The following ULK2 variants were observed in gnomAD, a reference collection of about 807,000 sequenced individuals.
The protein encoded by ULK2 is unc-51 like autophagy activating kinase 2, also known as serine/threonine-protein kinase ULK2.
In ULK2, 76 loss-of-function variants were observed where a neutral mutation model predicts 127.5. The ratio of observed to expected loss-of-function variants is 0.60; its 90% CI spans 0.50 to 0.72. The LOEUF (loss-of-function observed/expected upper bound fraction) is 0.72, where lower values mean the gene tolerates loss of function less well. ULK2 is among the 30% of genes least tolerant of loss of function. ULK2 has a pLI of 0.00. For missense variants in ULK2, 1,144 were observed against 1,295.9 expected (o/e 0.88, Z 1.80); for synonymous variants, 452 against 461.9 (o/e 0.98, Z 0.28).
chr17:19,821,694 C>T lies in ULK2; in HGVS notation c.924+3400G>A, dbSNP rs114290143. ...GTTCGTACTTTCCTTTTTTCCCCTG[C>T]TTTCCACTTTATTTCCATTTTTTTT... On this transcript the variant is annotated intron_variant, in intron 12 of 26. Transcript: ENST00000395544. 7.9e-3 allele frequency among the ~76,000 whole-genome samples: 1,202 copies of T among 152,246 alleles called. 21 individuals are homozygous for T. The highest frequency in any genetic ancestry group is 0.027 in the African/African-American group (1,111 of 41,556).
chr17:19,776,129 A>T lies in ULK2; in HGVS notation c.*220T>A. The T allele has an allele frequency of 4.0e-6, 2 of 501,042 alleles. No homozygotes were observed. Among genetic ancestry groups the T allele is most frequent in the Non-Finnish European group, 7.1e-6 (2 of 280,302 alleles). 31.0% of individuals were successfully genotyped at this position (501,042 alleles called of 1,614,324 possible). On this transcript the variant is annotated 3_prime_UTR_variant, in exon 27 of 27. Transcript: ENST00000395544. ...GCCAAACACTCTTGCTCCTGCTTCTACAAAGAAAAAGGGAAAGGGTGATTT... is the reference window on the plus strand; with the variant it reads ...GCCAAACACTCTTGCTCCTGCTTCTTCAAAGAAAAAGGGAAAGGGTGATTT...
intron 8 of ULK2, among the ~76,000 whole-genome samples, chr17:19,842,190 CTTTTTTTTTTTTT>C (rs869294657): frequency 1.1e-5 from 1 of 88,396 alleles, no homozygotes. Context: ...TTTTCTTTTT[CTTTTTTTTTTTTT>C]TTTTTTTTTT....
rs2086762725 is a variant in ULK2, at chr17:19,773,354, C to T, written c.*2995G>A. Reference sequence around the variant, plus strand: ...CTCATGTCCACTGTGTCTAACTCAACTTATTACTGTGCAGACTGAGGCAAT... The same window carrying T: ...CTCATGTCCACTGTGTCTAACTCAATTTATTACTGTGCAGACTGAGGCAAT... On this transcript the variant is annotated 3_prime_UTR_variant, in exon 27 of 27. Transcript: ENST00000395544. 1 of 152,186 alleles carries T rather than the reference C, an allele frequency of 6.6e-6. No individual in the cohort carries two copies. Among genetic ancestry groups the T allele is most frequent in the African/African-American group, 2.4e-5 (1 of 41,424 alleles). The allele number at this position is 152,186 out of a possible 1,614,324, so 9.4% of individuals were successfully genotyped here. A position where few individuals can be genotyped will look rare whatever the true frequency, so the allele number is the denominator to read the frequency against.
rs2086806454 is a variant in ULK2, at chr17:19,776,035, ATCTT to A, written c.*310_*313del. The A allele has an allele frequency of 7.2e-6, 2 of 279,142 alleles. No homozygotes were observed. Among genetic ancestry groups the A allele is most frequent in the Admixed American group, 5.2e-5 (1 of 19,286 alleles). 17.3% of individuals were successfully genotyped at this position (279,142 alleles called of 1,614,324 possible). A position where few individuals can be genotyped will look rare whatever the true frequency, so the allele number is the denominator to read the frequency against. On this transcript the variant is annotated 3_prime_UTR_variant, in exon 27 of 27. Transcript: ENST00000395544. ...CACTCACTTTGTTTCATTTTTAATT[ATCTT>A]TAAGAATAACTGTACCGATTATCCT...
chr17:19,792,625 A>G (rs1344796144), intron 20 of ULK2, among the ~76,000 whole-genome samples: 2 of 152,300 alleles, frequency 1.3e-5, no homozygotes, highest in Admixed American at 6.5e-5. Flanking sequence ...TAATAATGCA[A>G]TCTCCACCAA....
chr17:19,779,106 A>G (rs2086865114), intron 25 of ULK2, among the ~76,000 whole-genome samples: 1 of 152,254 alleles, frequency 6.6e-6, no homozygotes, highest in Non-Finnish European at 1.5e-5. Context: ...AAGAATTTAT[A>G]TTCCAAAGTT....
chr17:19,854,663 T>C lies in ULK2; in HGVS notation c.226-4889A>G, dbSNP rs140735316. On this transcript the variant is annotated intron_variant, in intron 3 of 26. Transcript: ENST00000395544. ...GTTCCAGAGATCAAAAATATAAATA[T>C]GAAAAAATGAAACCCTAAGTACTAG... Among the ~76,000 whole-genome samples, 163 of 152,122 alleles carry C rather than the reference T, an allele frequency of 1.1e-3. 2 individuals carry two copies. Among genetic ancestry groups the C allele is most frequent in the South Asian group, 3.7e-3 (18 of 4,826 alleles).
At chr17:19,844,743 GA>G (rs1244340668) in intron 7 of ULK2, among the ~76,000 whole-genome samples, 1 of 152,018 alleles carries the variant, frequency 6.6e-6, no homozygotes, top group Non-Finnish European at 1.5e-5. Flanking sequence ...ACATAATTCT[GA>G]ATCTCTAGAA....
intron 19 of ULK2, 41 bp downstream of exon 19, chr17:19,796,054 C>T (rs888860728): frequency 1.3e-5 from 20 of 1,569,894 alleles, no homozygotes; most frequent in Non-Finnish European, 1.6e-5. Flanking sequence ...TTTACTATTA[C>T]AGTTTTCATG....
chr17:19,803,991 T>C (rs2087456560), intron 15 of ULK2, among the ~76,000 whole-genome samples: 1 of 152,212 alleles, frequency 6.6e-6, no homozygotes, highest in Non-Finnish European at 1.5e-5. Flanking sequence ...ATTACGTGCA[T>C]ACTTATGTCT....
rs749860664 is a variant in ULK2 at position 19,783,673 on chromosome 17, A to C, written c.2460+24T>G. The C allele has an allele frequency of 7.8e-6, 11 of 1,413,688 alleles. No homozygotes were observed. In the East Asian group the frequency reaches 2.6e-4, roughly 33 times the overall value. The allele number at this position is 1,413,688 out of a possible 1,614,324, so 87.6% of individuals were successfully genotyped here. A position where few individuals can be genotyped will look rare whatever the true frequency, so the allele number is the denominator to read the frequency against. The stretch of plus-strand genomic sequence containing the variant: ...CTCATATCAAATCAACATTACATTC[A>C]CACCACTATAGTCTCTTTTCTACCT... On this transcript the variant is annotated intron_variant, in intron 22 of 26. Transcript: ENST00000395544.
chr17:19,835,018 C>T (rs73295860), intron 10 of ULK2, among the ~76,000 whole-genome samples: 1,862 of 152,152 alleles, frequency 0.012, 31 homozygotes, highest in African/African-American at 0.042. Context: ...ATCGTCCTAA[C>T]ACCCCACTGC....
chr17:19,839,909 T>C (rs991482292), intron 9 of ULK2, among the ~76,000 whole-genome samples: 1 of 151,826 alleles, frequency 6.6e-6, no homozygotes, highest in Non-Finnish European at 1.5e-5. Flanking sequence ...GACAATTCCA[T>C]TTCTAGGAGT....
chr17:19,806,143 G>C (rs1300641716), intron 14 of ULK2, among the ~76,000 whole-genome samples: 1 of 152,060 alleles, frequency 6.6e-6, no homozygotes, highest in East Asian at 1.9e-4. Flanking sequence ...ATCAGCTCTG[G>C]TGTCTGCAAG....
chr17:19,852,245 G>A (rs2042032756), intron 3 of ULK2, among the ~76,000 whole-genome samples: 1 of 151,684 alleles, frequency 6.6e-6, no homozygotes, highest in Admixed American at 6.6e-5. Context: ...AAAAGCACTG[G>A]GCGCAGTGGC....
intron 10 of ULK2, among the ~76,000 whole-genome samples, chr17:19,831,750 C>T (rs1244625258): frequency 1.3e-5 from 2 of 152,024 alleles, no homozygotes; most frequent in Non-Finnish European, 2.9e-5. Context: ...TCGCTTTAGC[C>T]CAGGAGGCAG....
chr17:19,791,986 G>A (rs1030885709), intron 20 of ULK2, among the ~76,000 whole-genome samples: 7 of 151,924 alleles, frequency 4.6e-5, no homozygotes, highest in African/African-American at 1.7e-4. Context: ...TGAATGACCA[G>A]TGGGTCAATG....
chr17:19,851,351 A>C (rs1247195096), intron 3 of ULK2, among the ~76,000 whole-genome samples: 1 of 145,990 alleles, frequency 6.8e-6, no homozygotes, highest in Non-Finnish European at 1.5e-5. Flanking sequence ...AAAAAAAAAA[A>C]ATTAGGCTGG....
At chr17:19,843,012 A>G (rs1405648412) in intron 8 of ULK2, 109 bp downstream of exon 8, 3 of 928,764 alleles carry the variant, frequency 3.2e-6, no homozygotes, top group Non-Finnish European at 5.2e-6. Flanking sequence ...AGTAACTCAC[A>G]GAGGAGCCAA....
Sources: allele counts gnomAD v4.1 joint callset (sites outside exome capture counted in the v4.1 genomes callset), GRCh38; gene constraint gnomAD v4.1.1; transcripts MANE v1.5; gene names NCBI Gene and HGNC (gene_info 2026-07-23, HGNC 2026-07-21).